The following SH3KBP1 variants were observed in gnomAD, a reference collection of about 807,000 sequenced individuals.
The protein encoded by SH3KBP1 is SH3 domain containing kinase binding protein 1, also known as SH3 domain-containing kinase-binding protein 1.
A neutral mutation model predicts 50.1 loss-of-function variants in SH3KBP1; 8 were observed. That is an observed-to-expected ratio of 0.16 (90% CI 0.09 to 0.29). SH3KBP1 has a LOEUF of 0.29. SH3KBP1 is among the 10% of genes least tolerant of loss of function. The probability of loss-of-function intolerance (pLI) is 1.00; values close to 1 mark genes in which losing one functional copy is unlikely to be tolerated. For synonymous variants in SH3KBP1, 227 were observed against 218.6 expected (o/e 1.04, Z -0.34); for missense variants, 377 against 535.2 (o/e 0.70, Z 2.92).
At chrX:19,659,586 G>A (rs931931089) in intron 6 of SH3KBP1, among the ~76,000 whole-genome samples, 2 of 111,928 alleles carry the variant, frequency 1.8e-5, no homozygotes, top group Non-Finnish European at 3.8e-5. Context: ...CATTTGATAC[G>A]TCTTCTAGAT....
intron 3 of SH3KBP1, among the ~76,000 whole-genome samples, chrX:19,731,917 C>T (rs990952825): frequency 1.8e-5 from 2 of 111,796 alleles, no homozygotes; most frequent in Admixed American, 1.9e-4. Context: ...TAAAAAAATT[C>T]ATTTAAGATC....
chrX:19,873,532 C>T lies in SH3KBP1; in HGVS notation c.4+13775G>A, dbSNP rs1278047602. 8.7e-5 allele frequency among the ~76,000 whole-genome samples: 9 copies of T among 103,895 alleles called. No individual in the cohort carries two copies. The Admixed American group carries it at 9.6e-4, about 11-fold the overall frequency. 90.2% of individuals were successfully genotyped at this position (103,895 alleles called of 115,157 possible). A position where few individuals can be genotyped will look rare whatever the true frequency, so the allele number is the denominator to read the frequency against. ...CTAAAAATGCAAAAAATTAGCCGGG[C>T]GAGGTGGCAGGCACCTGTAATCCCA... On this transcript the variant is annotated intron_variant, in intron 1 of 17. Coordinates refer to ENST00000397821, the MANE Select transcript of SH3KBP1 (RefSeq NM_031892.3).
chrX:19,718,543 C>T (rs891491941), intron 3 of SH3KBP1, among the ~76,000 whole-genome samples: 20 of 112,076 alleles, frequency 1.8e-4, no homozygotes, highest in African/African-American at 5.5e-4. Flanking sequence ...ACAAAGAGCA[C>T]GTAATATACT....
intron 3 of SH3KBP1, among the ~76,000 whole-genome samples, chrX:19,725,883 C>A (rs1474039402): frequency 2.7e-5 from 3 of 112,344 alleles, no homozygotes; most frequent in Non-Finnish European, 5.6e-5. Context: ...TCCTGTTACA[C>A]AAGACAGGTA....
Position 19,827,386 on chromosome X carries a change from CAT to C in SH3KBP1, c.162+8737_162+8738del, listed in dbSNP as rs768450352. On this transcript the variant is annotated intron_variant, in intron 2 of 17. Transcript: ENST00000397821. ...CCCTATCATAGCTTCCTGCCTTCCA[CAT>C]GTCTATCTGTGAGCTACAAAATGTT... Among the ~76,000 whole-genome samples the C allele has an allele frequency of 3.2e-4, 36 of 112,130 alleles. 1 individual carries two copies. The highest frequency in any genetic ancestry group is 6.0e-4 in the Non-Finnish European group (32 of 53,225).
chrX:19,583,289 G>A (rs1181242877), intron 12 of SH3KBP1, among the ~76,000 whole-genome samples: 2 of 108,543 alleles, frequency 1.8e-5, no homozygotes, highest in Non-Finnish European at 3.8e-5. Context: ...GAGTAGCTGG[G>A]ATTACAGGCA....
chrX:19,718,998 C>T (rs2063986296), intron 3 of SH3KBP1, among the ~76,000 whole-genome samples: 1 of 111,698 alleles, frequency 9.0e-6, no homozygotes, highest in Non-Finnish European at 1.9e-5. Context: ...CTTCCGAGCT[C>T]GCCCCTCACT....
intron 3 of SH3KBP1, among the ~76,000 whole-genome samples, chrX:19,726,652 A>G (rs1196036685): frequency 2.9e-5 from 3 of 105,203 alleles, no homozygotes; most frequent in African/African-American, 6.9e-5. Flanking sequence ...TATTGTAGCA[A>G]TAGATAACTG....
intron 3 of SH3KBP1, among the ~76,000 whole-genome samples, chrX:19,714,154 A>C (rs764818928): frequency 2.7e-5 from 3 of 112,026 alleles, no homozygotes; most frequent in African/African-American, 9.7e-5. Flanking sequence ...AACCCAATGG[A>C]CATAGAGAAT....
intron 6 of SH3KBP1, among the ~76,000 whole-genome samples, chrX:19,656,110 GCAGGGAT>G (rs1316142994): frequency 9.0e-6 from 1 of 111,405 alleles, no homozygotes; most frequent in African/African-American, 3.3e-5. Context: ...ATCGAGGGTG[GCAGGGAT>G]TCGCAGTGGG....
intron 2 of SH3KBP1, among the ~76,000 whole-genome samples, chrX:19,820,461 C>T (rs1384397186): frequency 9.0e-6 from 1 of 111,666 alleles, no homozygotes; most frequent in Non-Finnish European, 1.9e-5. Flanking sequence ...TAATGTCCTT[C>T]TTTGTCCCTG....
chrX:19,777,170 C>T (rs1317136933), intron 2 of SH3KBP1, among the ~76,000 whole-genome samples: 1 of 111,395 alleles, frequency 9.0e-6, no homozygotes, highest in Admixed American at 9.5e-5. Context: ...AACCACAGTC[C>T]ACTCCCCATT....
At chrX:19,833,572 T>G (rs2067976993) in intron 2 of SH3KBP1, among the ~76,000 whole-genome samples, 1 of 95,555 alleles carries the variant, frequency 1.0e-5, no homozygotes, top group Non-Finnish European at 2.1e-5. Context: ...CTTCCCACAG[T>G]CCTCCTTCCT....
At chrX:19,876,614 G>A (rs2069261602) in intron 1 of SH3KBP1, among the ~76,000 whole-genome samples, 1 of 110,917 alleles carries the variant, frequency 9.0e-6, no homozygotes, top group Non-Finnish European at 1.9e-5. Flanking sequence ...TAATCAGGAC[G>A]TTAAAAAAGG....
chrX:19,795,772 G>A (rs761067034), intron 2 of SH3KBP1, among the ~76,000 whole-genome samples: 1 of 112,011 alleles, frequency 8.9e-6, no homozygotes, highest in Non-Finnish European at 1.9e-5. Context: ...TTGATTCAAA[G>A]AAGCTTAAAT....
intron 4 of SH3KBP1, among the ~76,000 whole-genome samples, chrX:19,706,011 G>T (rs955692309): frequency 3.6e-5 from 4 of 111,351 alleles, no homozygotes; most frequent in Non-Finnish European, 7.5e-5. Flanking sequence ...GTTCACATTA[G>T]GTTATGTATG....
intron 2 of SH3KBP1, among the ~76,000 whole-genome samples, chrX:19,779,062 G>A (rs1300522924): frequency 2.8e-5 from 3 of 108,878 alleles, no homozygotes; most frequent in South Asian, 3.9e-4. Flanking sequence ...TTGGGAGGGC[G>A]AGGTGGGCAG....
At chrX:19,682,874 C>G (rs769667482) in intron 6 of SH3KBP1, among the ~76,000 whole-genome samples, 1 of 101,246 alleles carries the variant, frequency 9.9e-6, no homozygotes, top group African/African-American at 3.6e-5. Context: ...GATGATGCAA[C>G]CTTTAAAATG....
intron 2 of SH3KBP1, among the ~76,000 whole-genome samples, chrX:19,766,930 G>A (rs750168157): frequency 2.7e-5 from 3 of 111,231 alleles, no homozygotes; most frequent in Non-Finnish European, 5.7e-5. Flanking sequence ...TATCTGCATC[G>A]TAAGGTAAAC....
Sources: gnomAD v4.1 joint callset for allele counts (sites outside exome capture counted in the v4.1 genomes callset) on GRCh38, gnomAD v4.1.1 for gene constraint, MANE v1.5 for transcripts, NCBI Gene and HGNC (gene_info 2026-07-23, HGNC 2026-07-21) for gene names.